The following CSMD3 variants were observed in gnomAD, a reference collection of about 807,000 sequenced individuals.
The protein encoded by CSMD3 is CUB and sushi domain-containing protein 3.
CSMD3 carries 177 observed loss-of-function variants against 435.2 expected under a neutral mutation model. The observed-to-expected ratio is 0.41, with a 90% CI of 0.36 to 0.46. The LOEUF (loss-of-function observed/expected upper bound fraction) is 0.46, where lower values mean the gene tolerates loss of function less well. Ranked by LOEUF, CSMD3 falls within the 20% of genes least tolerant of loss-of-function variation. The pLI is 0.34. For synonymous variants in CSMD3, 1,656 were observed against 1,520.5 expected, an observed-to-expected ratio of 1.09 and a Z score of -2.07; for missense variants, 4,265 against 4,504.6, an observed-to-expected ratio of 0.95 and a Z score of 1.52.
At chr8:113,054,709 G>A (rs1163050597) in intron 5 of CSMD3, among the ~76,000 whole-genome samples, 1 of 152,046 alleles carries the variant, frequency 6.6e-6, no homozygotes, top group Non-Finnish European at 1.5e-5. Flanking sequence ...CCCATTTCTT[G>A]CTTCCCTTTA....
intron 1 of CSMD3, among the ~76,000 whole-genome samples, chr8:113,393,102 C>T (rs1293809352): frequency 1.3e-5 from 2 of 151,936 alleles, no homozygotes; most frequent in Admixed American, 6.6e-5. Flanking sequence ...ATAATGCTCA[C>T]ATAAGCATGC....
chr8:112,833,518 A>G (rs919850265), intron 11 of CSMD3, among the ~76,000 whole-genome samples: 1 of 152,082 alleles, frequency 6.6e-6, no homozygotes, highest in Non-Finnish European at 1.5e-5. Flanking sequence ...TTTCTTACAT[A>G]GCAAGCATGT....
chr8:112,506,511 A>G (rs1303039346), intron 29 of CSMD3, among the ~76,000 whole-genome samples, 180 bp downstream of exon 29: 1 of 152,156 alleles, frequency 6.6e-6, no homozygotes, highest in Non-Finnish European at 1.5e-5. Flanking sequence ...CAAATAAATA[A>G]CTTGCCCAAG....
intron 4 of CSMD3, among the ~76,000 whole-genome samples, chr8:113,136,030 T>C (rs894547876): frequency 2.0e-5 from 3 of 151,774 alleles, no homozygotes; most frequent in Non-Finnish European, 4.4e-5. Flanking sequence ...AGGCACAATA[T>C]AGAAATTGAG....
intron 23 of CSMD3, among the ~76,000 whole-genome samples, chr8:112,575,865 C>T (rs1480112446): frequency 6.6e-6 from 1 of 151,952 alleles, no homozygotes; most frequent in Non-Finnish European, 1.5e-5. Context: ...TTTTATGATT[C>T]TATATTACAT....
At position 112,231,614 on chromosome 8, in the gene CSMD3, C is replaced by A. The variant is rs1434625159; in HGVS notation, c.10759G>T (p.Gly3587Ter). The change falls in exon 69 of 71, where the codon GGA (glycine) becomes TGA (stop). Residue 3587 changes from glycine (G) to a stop codon, truncating the protein, a stop_gained. Coordinates refer to ENST00000297405, the MANE Select transcript of CSMD3 (RefSeq NM_198123.2). LOFTEE classifies it high-confidence loss of function. ...AATCCTTGAAATACATAAGTAGCTC[C>A]ATCAGGCTCAGCAGAAACCTAAAAA... The part of the protein sequence containing the change: ...MDGFVSAEPD[G>*]ATYVFQGFIQ... The A allele has an allele frequency of 6.2e-7, 1 of 1,610,678 alleles. No individual in the cohort carries two copies. The highest frequency in any genetic ancestry group is 1.7e-5 in the Admixed American group (1 of 60,014).
chr8:113,386,397 A>G (rs1477095618), intron 1 of CSMD3, among the ~76,000 whole-genome samples: 1 of 151,934 alleles, frequency 6.6e-6, no homozygotes, highest in Non-Finnish European at 1.5e-5. Flanking sequence ...GTCACTAAGT[A>G]AGGTGATTTT....
At chr8:112,772,144 A>G (rs953542525) in intron 13 of CSMD3, among the ~76,000 whole-genome samples, 10 of 151,040 alleles carry the variant, frequency 6.6e-5, no homozygotes, top group African/African-American at 2.0e-4. Context: ...GTTTCAAATG[A>G]AAATTTAATA....
intron 17 of CSMD3, among the ~76,000 whole-genome samples, chr8:112,658,886 C>T (rs932859816): frequency 1.8e-4 from 27 of 151,962 alleles, no homozygotes; most frequent in East Asian, 7.8e-4. Flanking sequence ...ACCTGGGAGG[C>T]GGAGGTTGCA....
intron 32 of CSMD3, among the ~76,000 whole-genome samples, chr8:112,469,160 C>CAAAAAAAAAAA (rs71309771): frequency 2.2e-5 from 2 of 91,644 alleles, no homozygotes; most frequent in Non-Finnish European, 4.4e-5. Context: ...CTACACCAGG[C>CAAAAAAAAAAA]AAAAAAAAAA....
At chr8:112,953,280 T>TAAGA (rs2083893137) in intron 8 of CSMD3, among the ~76,000 whole-genome samples, 1 of 151,582 alleles carries the variant, frequency 6.6e-6, no homozygotes, top group African/African-American at 2.4e-5. Context: ...ATTTGATATG[T>TAAGA]AAGAGTCATC....
intron 27 of CSMD3, among the ~76,000 whole-genome samples, chr8:112,530,272 G>A (rs1377975528): frequency 1.3e-5 from 2 of 152,116 alleles, no homozygotes; most frequent in African/African-American, 4.8e-5. Context: ...CCCAAACCTG[G>A]AGAATGAAAT....
At chr8:113,269,461 T>C (rs2093500834) in intron 3 of CSMD3, among the ~76,000 whole-genome samples, 1 of 152,062 alleles carries the variant, frequency 6.6e-6, no homozygotes, top group Non-Finnish European at 1.5e-5. Flanking sequence ...AAAAACGACA[T>C]TACAGTTCAT....
intron 35 of CSMD3, among the ~76,000 whole-genome samples, chr8:112,393,959 C>T (rs1830657155): frequency 6.6e-6 from 1 of 151,910 alleles, no homozygotes; most frequent in African/African-American, 2.4e-5. Flanking sequence ...ATCACTGTCC[C>T]CCCTTCCATG....
intron 6 of CSMD3, among the ~76,000 whole-genome samples, chr8:113,006,684 T>G (rs1341085202): frequency 1.3e-5 from 2 of 151,948 alleles, no homozygotes; most frequent in Non-Finnish European, 2.9e-5. Context: ...TAACCTGTTT[T>G]ATCAAGGAGG....
intron 1 of CSMD3, among the ~76,000 whole-genome samples, chr8:113,349,365 G>T (rs1037421490): frequency 1.3e-5 from 2 of 152,170 alleles, no homozygotes; most frequent in African/African-American, 4.8e-5. Flanking sequence ...GCTAGCTCAT[G>T]AAATTTTATC....
At chr8:113,090,760 T>TA (rs1444160298) in intron 5 of CSMD3, among the ~76,000 whole-genome samples, 1 of 152,148 alleles carries the variant, frequency 6.6e-6, no homozygotes, top group Non-Finnish European at 1.5e-5. Flanking sequence ...TGCAAGCTTA[T>TA]AATTGTTTCT....
At chr8:112,391,649 G>A (rs142269117) in intron 35 of CSMD3, among the ~76,000 whole-genome samples, 1,863 of 150,800 alleles carry the variant, frequency 0.012, 38 homozygotes, top group African/African-American at 0.042. Context: ...CTGAGATTGC[G>A]CCACTGCACT....
intron 56 of CSMD3, among the ~76,000 whole-genome samples, chr8:112,290,013 C>T (rs757096883): frequency 1.3e-5 from 2 of 151,962 alleles, no homozygotes; most frequent in Non-Finnish European, 2.9e-5. Context: ...TCAAGAGATT[C>T]AATGAAGATT....
Sources: allele counts gnomAD v4.1 joint callset (sites outside exome capture counted in the v4.1 genomes callset), GRCh38; gene constraint gnomAD v4.1.1; transcripts MANE v1.5; gene names NCBI Gene and HGNC (gene_info 2026-07-23, HGNC 2026-07-21).